TRIM51: variants seen among roughly 807,000 people sequenced by gnomAD.
The protein encoded by TRIM51 is tripartite motif-containing 51, also known as tripartite motif-containing protein 51.
Under a neutral mutation model 32.7 loss-of-function variants are expected in TRIM51, and 23 were observed. That is an observed-to-expected ratio of 0.70 (90% confidence interval 0.51 to 1.00). The LOEUF (loss-of-function observed/expected upper bound fraction) is 1.00, where lower values mean the gene tolerates loss of function less well. Ranked by LOEUF, TRIM51 falls within the 50% of genes least tolerant of loss-of-function variation. The pLI is 0.00. For synonymous variants in TRIM51, 177 were observed against 181.9 expected (o/e 0.97, Z 0.22); for missense variants, 592 against 539.2 (o/e 1.10, Z -0.97).
chr11:55,884,053 G>C (rs1298167118), intron 1 of TRIM51, among the ~76,000 whole-genome samples: 3 of 150,938 alleles, frequency 2.0e-5, no homozygotes, highest in Non-Finnish European at 3.0e-5. Flanking sequence ...TTTAGTAAAA[G>C]AGAGTAAGGT....
chr11:55,890,831 C>A (rs1162743208), intron 6 of TRIM51, among the ~76,000 whole-genome samples: 1 of 152,050 alleles, frequency 6.6e-6, no homozygotes, highest in Non-Finnish European at 1.5e-5. Flanking sequence ...AGCTAAAGGG[C>A]ATTCAGGGCA....
At chr11:55,885,150 AC>A (rs1176675929) in intron 1 of TRIM51, among the ~76,000 whole-genome samples, 2 of 152,140 alleles carry the variant, frequency 1.3e-5, no homozygotes, top group Non-Finnish European at 2.9e-5. Context: ...TTTCATGTCG[AC>A]ATCCAGGGAG....
rs367940835 is a variant in TRIM51, at chr11:55,885,607, G to T, written c.179G>T (p.Arg60Leu). 32 of 1,611,186 alleles carry T rather than the reference G, an allele frequency of 2.0e-5. No homozygotes were observed. Among genetic ancestry groups the T allele is most frequent in the Admixed American group, 3.3e-5 (2 of 59,854 alleles). Residue 60 changes from arginine to leucine, a missense_variant, in exon 2 of 7, where the codon CGG becomes CTG. Transcript: ENST00000449290. The part of the protein sequence containing the change: ...AQCSECKKTT[R>L]QRNLNTDICL... ...TGCTCTGAATGCAAGAAGACAACGC[G>T]GCAGAGAAACCTCAACACTGACATT...
chr11:55,889,213 A>T (rs1854617088), intron 5 of TRIM51, among the ~76,000 whole-genome samples: 1 of 151,974 alleles, frequency 6.6e-6, no homozygotes, highest in Non-Finnish European at 1.5e-5. Context: ...AAAGCAAAAA[A>T]ATAAATAAAT....
rs746318438 is a variant in TRIM51 at position 55,885,527 on chromosome 11, C to G, written c.99C>G (p.Ser33Arg). The change falls in exon 2 of 7, where the codon AGC becomes AGG. Residue 33 changes from serine to arginine, a missense_variant. Ser to Arg is a moderately radical substitution (Grantham distance 110). Coordinates refer to ENST00000449290, the MANE Select transcript of TRIM51 (RefSeq NM_032681.4). Reference protein sequence around the residue: ...LDPVTIDCGHSFCRPCLYLNW... With the variant: ...LDPVTIDCGHRFCRPCLYLNW... ...CAGTCACCATAGACTGTGGGCACAG[C>G]TTTTGCCGGCCCTGTTTGTACCTCA... The G allele has an allele frequency of 3.7e-6, 6 of 1,612,062 alleles. No homozygotes were observed. The highest frequency in any genetic ancestry group is 4.2e-6 in the Non-Finnish European group (5 of 1,179,752).
At position 55,885,617 on chromosome 11, in the gene TRIM51, C is replaced by A. The variant is rs748333255; in HGVS notation, c.189C>A (p.Asn63Lys). 1 of 1,611,068 alleles carries A rather than the reference C, an allele frequency of 6.2e-7. No individual in the cohort carries two copies. Among genetic ancestry groups the A allele is most frequent in the African/African-American group, 1.3e-5 (1 of 74,826 alleles). The change falls in exon 2 of 7, where the codon AAC becomes AAA. Residue 63 changes from asparagine to lysine, a missense_variant. Physicochemically the swap from Asn to Lys is moderately conservative, Grantham distance 94. Coordinates refer to ENST00000449290, the MANE Select transcript of TRIM51 (RefSeq NM_032681.4). ...GCAAGAAGACAACGCGGCAGAGAAA[C>A]CTCAACACTGACATTTGTTTGAAGA... ...SECKKTTRQR[N>K]LNTDICLKNM...
intron 5 of TRIM51, 120 bp downstream of exon 5, chr11:55,889,121 T>A: frequency 2.2e-6 from 2 of 902,000 alleles, no homozygotes; most frequent in Non-Finnish European, 3.7e-6. Flanking sequence ...GGTTGTACTT[T>A]CTCCATCCCC....
At position 55,891,735 on chromosome 11, in the gene TRIM51, A is replaced by C; in HGVS notation, c.*103A>C. The stretch of plus-strand genomic sequence containing the variant: ...CAAACAGAACAAATAAGTTATATTT[A>C]ATGTCTTTAGTTGCATTCTAATGTC... On this transcript the variant is annotated 3_prime_UTR_variant, in exon 7 of 7. Transcript: ENST00000449290. The C allele has an allele frequency of 7.5e-7, 1 of 1,332,752 alleles. No individual in the cohort carries two copies. The allele number at this position is 1,332,752 out of a possible 1,614,324, so 82.6% of individuals were successfully genotyped here. A position where few individuals can be genotyped will look rare whatever the true frequency, so the allele number is the denominator to read the frequency against.
chr11:55,884,356 C>T (rs574948127), intron 1 of TRIM51, among the ~76,000 whole-genome samples: 9 of 149,844 alleles, frequency 6.0e-5, no homozygotes, highest in Non-Finnish European at 1.3e-4. Flanking sequence ...GATCATATAT[C>T]TGTCCTCACT....
Position 55,888,198 on chromosome 11 carries a change from T to A in TRIM51, c.674T>A (p.Leu225His). ...SKARMEHSRE[L>H]LRGMYEDLKQ... ...GCCAGAATGGAACATTCCAGGGAGCTTTTAAGAGGAATGTATGAGGATCTG... is the reference window on the plus strand; with the variant it reads ...GCCAGAATGGAACATTCCAGGGAGCATTTAAGAGGAATGTATGAGGATCTG... The change falls in exon 4 of 7, where the codon CTT (leucine) becomes CAT (histidine). Residue 225 changes from leucine (L) to histidine (H), a missense_variant. Transcript: ENST00000449290. 6.2e-7 allele frequency: 1 copy of A among 1,613,588 alleles called. No individual in the cohort carries two copies. Among genetic ancestry groups the A allele is most frequent in the South Asian group, 1.1e-5 (1 of 91,062 alleles).
intron 2 of TRIM51, 23 bp from the exon 3 acceptor site, chr11:55,886,100 T>G (rs1285742008): frequency 1.9e-6 from 3 of 1,605,572 alleles, no homozygotes; most frequent in Non-Finnish European, 2.6e-6. Flanking sequence ...TCACTTGTGC[T>G]TCAATTCGTG....
intron 6 of TRIM51, 62 bp from the exon 7 acceptor site, chr11:55,891,071 C>T: frequency 2.2e-6 from 3 of 1,351,736 alleles, no homozygotes; most frequent in Non-Finnish European, 3.0e-6. Flanking sequence ...CAACATTTCC[C>T]TCAAGAATTC....
rs1475796743 is a variant in TRIM51 at position 55,886,136 on chromosome 11, A to G, written c.425A>G (p.Lys142Arg). The G allele has an allele frequency of 8.1e-6, 13 of 1,613,248 alleles. No homozygotes were observed. The East Asian group carries it at 2.9e-4, about 36-fold the overall frequency. The change falls in exon 3 of 7, where the codon AAA (lysine) becomes AGA (arginine). Residue 142 changes from lysine (K) to arginine (R), a missense_variant. Coordinates refer to ENST00000449290, the MANE Select transcript of TRIM51 (RefSeq NM_032681.4). The part of the protein sequence containing the change: ...AAEERREELL[K>R]KMQSLWEKAC... ...GCTGTTTTGCAGGAGGAGCTCCTAA[A>G]AAAAATGCAGTCTTTATGGGAAAAA...
chr11:55,890,545 A>C (rs1285460067), intron 6 of TRIM51, among the ~76,000 whole-genome samples: 1 of 152,206 alleles, frequency 6.6e-6, no homozygotes, highest in Non-Finnish European at 1.5e-5. Context: ...AGGAAGTAAA[A>C]ATGGAAATGA....
rs763135226 is a variant in TRIM51, at chr11:55,888,015, A to T, written c.508-17A>T. Reference sequence around the variant, plus strand: ...AGATGGGTAAAACATTTCTATTTTGACTAATTGTCACTGCAGGATTATGTG... The same window carrying T: ...AGATGGGTAAAACATTTCTATTTTGTCTAATTGTCACTGCAGGATTATGTG... On this transcript the variant is annotated splice_polypyrimidine_tract_variant and intron_variant, in intron 3 of 6. Transcript: ENST00000449290. 4 of 1,499,736 alleles carry T rather than the reference A, an allele frequency of 2.7e-6. No individual in the cohort carries two copies. The East Asian group carries it at 9.0e-5, about 34-fold the overall frequency. 92.9% of individuals were successfully genotyped at this position (1,499,736 alleles called of 1,614,324 possible).
rs546477538 is a variant in TRIM51, at chr11:55,885,315, G to A, written c.-4-110G>A. ...TGTTACAGAGGAAATAGTTTGTTCC[G>A]CTTTAATGAGCACTGTCAAGAAGAA... On this transcript the variant is annotated intron_variant, in intron 1 of 6. Coordinates refer to ENST00000449290, the MANE Select transcript of TRIM51 (RefSeq NM_032681.4). 1.1e-4 allele frequency: 119 copies of A among 1,122,032 alleles called. No individual in the cohort carries two copies. In the East Asian group the frequency reaches 1.4e-3, roughly 14 times the overall value. The allele number at this position is 1,122,032 out of a possible 1,614,324, so 69.5% of individuals were successfully genotyped here.
At chr11:55,886,082 T>C (rs779832786) in intron 2 of TRIM51, 41 bp from the exon 3 acceptor site, 2 of 1,578,670 alleles carry the variant, frequency 1.3e-6, no homozygotes, top group Non-Finnish European at 1.7e-6. Flanking sequence ...AATGATACTT[T>C]ATTGTCCTCA....
rs554002335 is a variant in TRIM51 at position 55,884,996 on chromosome 11, T to TC, written c.-4-428dup. Among the ~76,000 whole-genome samples the TC allele has an allele frequency of 8.5e-5, 13 of 152,212 alleles. No homozygotes were observed. The South Asian group carries it at 1.5e-3, about 17-fold the overall frequency. Reference sequence around the variant, plus strand: ...CTCGGTCCCTCTCTCTAAAAATATGTCATAGCAACCTCTGACCATCTTCTC... The same window carrying TC: ...CTCGGTCCCTCTCTCTAAAAATATGTCCATAGCAACCTCTGACCATCTTCTC... On this transcript the variant is annotated intron_variant, in intron 1 of 6. Coordinates refer to ENST00000449290, the MANE Select transcript of TRIM51 (RefSeq NM_032681.4).
At chr11:55,884,679 C>A (rs1200421757) in intron 1 of TRIM51, among the ~76,000 whole-genome samples, 2 of 152,010 alleles carry the variant, frequency 1.3e-5, no homozygotes, top group Non-Finnish European at 2.9e-5. Flanking sequence ...CATGCTTTAC[C>A]AATTCTCCAT....
Sources: allele counts gnomAD v4.1 joint callset (sites outside exome capture counted in the v4.1 genomes callset), GRCh38; gene constraint gnomAD v4.1.1; transcripts MANE v1.5; gene names NCBI Gene and HGNC (gene_info 2026-07-23, HGNC 2026-07-21).